The following SRSF6 variants were observed in gnomAD, a reference collection of about 807,000 sequenced individuals.
SRSF6 encodes the protein serine/arginine-rich splicing factor 6.
Under a neutral mutation model 42.0 loss-of-function variants are expected in SRSF6, and 17 were observed. The ratio of observed to expected loss-of-function variants is 0.40; its 90% CI spans 0.28 to 0.61. The LOEUF is 0.61. SRSF6 is among the 20% of genes least tolerant of loss of function. SRSF6 has a pLI of 0.37. For missense variants in SRSF6, 379 were observed against 471.4 expected (o/e 0.80, Z 1.81); for synonymous variants, 204 against 166.7 (o/e 1.22, Z -1.72).
At chr20:43,459,644 G>A in intron 2 of SRSF6, 127 bp from the exon 3 acceptor site, 1 of 1,474,154 alleles carries the variant, frequency 6.8e-7, no homozygotes, top group Non-Finnish European at 9.3e-7. Flanking sequence ...ATGTGTCGAA[G>A]GTTTAGCAAT....
chr20:43,459,764 G>A lies in SRSF6; in HGVS notation c.257-7G>A. ...AGGCATCTAATTGTTCCCTTCATGTGATAAAGGTGGTGGAGGTGGATACAG... is the reference window on the plus strand; with the variant it reads ...AGGCATCTAATTGTTCCCTTCATGTAATAAAGGTGGTGGAGGTGGATACAG... On this transcript the variant is annotated splice_polypyrimidine_tract_variant and splice_region_variant and intron_variant, in intron 2 of 5. Transcript: ENST00000244020. 1 of 1,612,852 alleles carries A rather than the reference G, an allele frequency of 6.2e-7. No homozygotes were observed. Among genetic ancestry groups the A allele is most frequent in the South Asian group, 1.1e-5 (1 of 91,010 alleles).
rs2017626018 is a variant in SRSF6, at chr20:43,462,823, ATT to A, written c.*1761_*1762del. ...CTTATTTTCTTTGATACTTTATTTAATTAGATGTTTATAAAGAAATGGGTTTA... is the reference window on the plus strand; with the variant it reads ...CTTATTTTCTTTGATACTTTATTTAAAGATGTTTATAAAGAAATGGGTTTA... On this transcript the variant is annotated 3_prime_UTR_variant, in exon 6 of 6. Coordinates refer to ENST00000244020, the MANE Select transcript of SRSF6 (RefSeq NM_006275.6). 6.6e-6 allele frequency: 1 copy of A among 152,634 alleles called. No individual in the cohort carries two copies. Among genetic ancestry groups the A allele is most frequent in the Non-Finnish European group, 1.5e-5 (1 of 68,040 alleles). 9.5% of individuals were successfully genotyped at this position (152,634 alleles called of 1,614,324 possible).
In SRSF6 at chr20:43,463,345, T is replaced by G. The variant is rs192562726; in HGVS notation, c.*2282T>G. ...TAAAATGTTTAATTCCCTTGCTAGC[T>G]TGTGAGAAGAATGAGTTGATGACAT... On this transcript the variant is annotated 3_prime_UTR_variant, in exon 6 of 6. Coordinates refer to ENST00000244020, the MANE Select transcript of SRSF6 (RefSeq NM_006275.6). 1 of 154,838 alleles carries G rather than the reference T, an allele frequency of 6.5e-6. No homozygotes were observed. The highest frequency in any genetic ancestry group is 2.4e-5 in the African/African-American group (1 of 41,530). 9.6% of individuals were successfully genotyped at this position (154,838 alleles called of 1,614,324 possible).
rs367794856 is a variant in SRSF6, at chr20:43,460,685, C to A, written c.675-18C>A. 6.2e-7 allele frequency: 1 copy of A among 1,611,866 alleles called. No homozygotes were observed. The highest frequency in any genetic ancestry group is 1.3e-5 in the African/African-American group (1 of 74,840). On this transcript the variant is annotated intron_variant, in intron 5 of 5. Coordinates refer to ENST00000244020, the MANE Select transcript of SRSF6 (RefSeq NM_006275.6). ...CATTCTCACTAAGTATTGAGAAAAT[C>A]GGTCTTTCCTTGTCCAGTTCCAGGT...
intron 2 of SRSF6, 112 bp from the exon 3 acceptor site, chr20:43,459,659 T>C: frequency 6.5e-7 from 1 of 1,527,894 alleles, no homozygotes; most frequent in Middle Eastern, 2.4e-4. Context: ...AGCAATATAA[T>C]AGCAAAGTCC....
Position 43,461,337 on chromosome 20 carries a change from G to GTTTTTTTGTTTT in SRSF6, c.*281_*282insGTTTTTTTTTTT, listed in dbSNP as rs2017589818. The GTTTTTTTGTTTT allele has an allele frequency of 2.3e-5, 1 of 43,768 alleles. No homozygotes were observed. Among genetic ancestry groups the GTTTTTTTGTTTT allele is most frequent in the African/African-American group, 8.2e-5 (1 of 12,192 alleles). The allele number at this position is 43,768 out of a possible 1,614,324, so 2.7% of individuals were successfully genotyped here. A position where few individuals can be genotyped will look rare whatever the true frequency, so the allele number is the denominator to read the frequency against. On this transcript the variant is annotated 3_prime_UTR_variant, in exon 6 of 6. Coordinates refer to ENST00000244020, the MANE Select transcript of SRSF6 (RefSeq NM_006275.6). ...GTAAAGATTAAGCTCATTTAGTGTT[G>GTTTTTTTGTTTT]TTTTTTTTTTTTTTTTTTTTTTTTT... is the stretch of plus-strand genomic sequence containing the variant.
chr20:43,458,876 G>A (rs2017542920), intron 2 of SRSF6, among the ~76,000 whole-genome samples: 1 of 150,730 alleles, frequency 6.6e-6, no homozygotes, highest in Admixed American at 6.6e-5. Flanking sequence ...GTGGAGGTGG[G>A]GTAGGGGGCG....
At chr20:43,459,936 C>T (rs368820985) in intron 3 of SRSF6, 41 bp downstream of exon 3, 8 of 1,600,692 alleles carry the variant, frequency 5.0e-6, no homozygotes, top group South Asian at 3.4e-5. Flanking sequence ...ATGACTAATG[C>T]TTTAAAGTAA....
rs2017609478 is a variant in SRSF6, at chr20:43,462,008, AGT to A, written c.*948_*949del. 1 of 152,212 alleles carries A rather than the reference AGT, an allele frequency of 6.6e-6. No individual in the cohort carries two copies. The highest frequency in any genetic ancestry group is 2.4e-5 in the African/African-American group (1 of 41,458). 9.4% of individuals were successfully genotyped at this position (152,212 alleles called of 1,614,324 possible). A position where few individuals can be genotyped will look rare whatever the true frequency, so the allele number is the denominator to read the frequency against. On this transcript the variant is annotated 3_prime_UTR_variant, in exon 6 of 6. Coordinates refer to ENST00000244020, the MANE Select transcript of SRSF6 (RefSeq NM_006275.6). ...TTGTTCTGAAATTGAGTTTATTCAA[AGT>A]GTAAAAGCACATACTGCATTTTCTG...
intron 4 of SRSF6, 61 bp from the exon 5 acceptor site, chr20:43,460,454 G>C (rs1203701125): frequency 9.8e-6 from 15 of 1,533,692 alleles, no homozygotes; most frequent in Non-Finnish European, 1.3e-5. Context: ...ATTTTTGCCA[G>C]ATGGCACGGA....
intron 1 of SRSF6, 58 bp from the exon 2 acceptor site, chr20:43,458,303 C>T: frequency 1.4e-6 from 2 of 1,436,008 alleles, no homozygotes; most frequent in Non-Finnish European, 1.8e-6. Flanking sequence ...GGCGCGCGCA[C>T]GTGCGCGTCC....
At position 43,461,374 on chromosome 20, in the gene SRSF6, T is replaced by TA. The variant is rs2017595961; in HGVS notation, c.*312dup. 1 of 167,232 alleles carries TA rather than the reference T, an allele frequency of 6.0e-6. No homozygotes were observed. Among genetic ancestry groups the TA allele is most frequent in the African/African-American group, 3.3e-5 (1 of 30,058 alleles). The allele number at this position is 167,232 out of a possible 1,614,324, so 10.4% of individuals were successfully genotyped here. A position where few individuals can be genotyped will look rare whatever the true frequency, so the allele number is the denominator to read the frequency against. On this transcript the variant is annotated 3_prime_UTR_variant, in exon 6 of 6. Coordinates refer to ENST00000244020, the MANE Select transcript of SRSF6 (RefSeq NM_006275.6). ...TTTTTTTTTTTTTTTTTTTTTTTTT[T>TA]AGTATTTCAGCAGGATCTGCTGGCA... is the stretch of plus-strand genomic sequence containing the variant.
At position 43,461,337 on chromosome 20, in the gene SRSF6, G is replaced by GTTGTTTTTTTTTTTTTTT. The variant is rs2017589395; in HGVS notation, c.*276_*277insGTTTTTTTTTTTTTTTTT. The GTTGTTTTTTTTTTTTTTT allele has an allele frequency of 2.3e-5, 1 of 43,768 alleles. No individual in the cohort carries two copies. The highest frequency in any genetic ancestry group is 4.6e-5 in the Non-Finnish European group (1 of 21,828). 2.7% of individuals were successfully genotyped at this position (43,768 alleles called of 1,614,324 possible). A position where few individuals can be genotyped will look rare whatever the true frequency, so the allele number is the denominator to read the frequency against. The stretch of plus-strand genomic sequence containing the variant: ...GTAAAGATTAAGCTCATTTAGTGTT[G>GTTGTTTTTTTTTTTTTTT]TTTTTTTTTTTTTTTTTTTTTTTTT... On this transcript the variant is annotated 3_prime_UTR_variant, in exon 6 of 6. Transcript: ENST00000244020.
chr20:43,463,927 C>CT lies in SRSF6; in HGVS notation c.*2864_*2865insT, dbSNP rs1167972918. ...TATTTACAAATATACATGGTTGGACCATACCTTGGAATCTACTTGCTAATG... is the reference window on the plus strand; with the variant it reads ...TATTTACAAATATACATGGTTGGACCTATACCTTGGAATCTACTTGCTAATG... On this transcript the variant is annotated 3_prime_UTR_variant, in exon 6 of 6. Transcript: ENST00000244020. The CT allele has an allele frequency of 6.6e-6, 1 of 152,170 alleles. No homozygotes were observed. The highest frequency in any genetic ancestry group is 1.5e-5 in the Non-Finnish European group (1 of 68,024). The allele number at this position is 152,170 out of a possible 1,614,324, so 9.4% of individuals were successfully genotyped here.
Position 43,460,531 on chromosome 20 carries a change from C to G in SRSF6, c.607C>G (p.Arg203Gly). The change falls in exon 5 of 6, where the codon CGG becomes GGG. Residue 203 changes from arginine (R) to glycine (G), a missense_variant. Physicochemically the swap from Arg to Gly is moderately radical, Grantham distance 125 (BLOSUM62 -2). Around this residue, in one of 3 missense-constraint regions of SRSF6, gnomAD observed 219 missense variants for 216.1 expected, o/e 1.01. Coordinates refer to ENST00000244020, the MANE Select transcript of SRSF6 (RefSeq NM_006275.6). ...GSRSRSRSRR[R>G]SRSRSRRSSR... The stretch of plus-strand genomic sequence containing the variant: ...TCCTAATAGGTCTCGATCTAGAAGA[C>G]GGTCACGAAGTAGGAGTCGCAGGAG... The G allele has an allele frequency of 3.7e-6, 6 of 1,613,974 alleles. No homozygotes were observed. Among genetic ancestry groups the G allele is most frequent in the Non-Finnish European group, 5.1e-6 (6 of 1,179,934 alleles).
In SRSF6 at chr20:43,462,973, G is replaced by GT. The variant is rs1568903065; in HGVS notation, c.*1914dup. On this transcript the variant is annotated 3_prime_UTR_variant, in exon 6 of 6. Transcript: ENST00000244020. ...AATTGGCTTTGACCAAAGTTCTCTT[G>GT]TTTTCAGGGAAAGAACATAAAAGCT... 1 of 152,590 alleles carries GT rather than the reference G, an allele frequency of 6.6e-6. No homozygotes were observed. The highest frequency in any genetic ancestry group is 2.4e-5 in the African/African-American group (1 of 41,444). 9.5% of individuals were successfully genotyped at this position (152,590 alleles called of 1,614,324 possible).
chr20:43,460,725 C>G lies in SRSF6; in HGVS notation c.697C>G (p.Arg233Gly), dbSNP rs1387104043. The change falls in exon 6 of 6, where the codon CGA becomes GGA. Residue 233 changes from arginine to glycine, a missense_variant. Arg to Gly is a moderately radical substitution (Grantham distance 125). Around this residue, in one of 3 missense-constraint regions of SRSF6, gnomAD observed 219 missense variants for 216.1 expected, o/e 1.01. Transcript: ENST00000244020. ...RSRSRSRSKG[R>G]SRSRSKGRKS... is the part of the protein sequence containing the mutation. Reference sequence around the variant, plus strand: ...CAGTTCCAGGTCGCGGAGCAAAGGTCGATCACGTTCTCGATCAAAAGGCAG... The same window carrying G: ...CAGTTCCAGGTCGCGGAGCAAAGGTGGATCACGTTCTCGATCAAAAGGCAG... 3 of 1,613,278 alleles carry G rather than the reference C, an allele frequency of 1.9e-6. No individual in the cohort carries two copies. The highest frequency in any genetic ancestry group is 1.6e-4 in the Middle Eastern group (1 of 6,082).
At chr20:43,460,619 T>A in intron 5 of SRSF6, 21 bp downstream of exon 5, 1 of 1,614,010 alleles carries the variant, frequency 6.2e-7, no homozygotes, top group Non-Finnish European at 8.5e-7. Context: ...TTGTGTTGAG[T>A]CACTGTGAAT....
rs993424021 is a variant in SRSF6, at chr20:43,463,287, A to G, written c.*2224A>G. 4 of 154,862 alleles carry G rather than the reference A, an allele frequency of 2.6e-5. No homozygotes were observed. Among genetic ancestry groups the G allele is most frequent in the African/African-American group, 4.8e-5 (2 of 41,538 alleles). 9.6% of individuals were successfully genotyped at this position (154,862 alleles called of 1,614,324 possible). ...TGGATGCACAAAATCACTGTGTAAC[A>G]TTGGCTCACTTGGTGAGCATAGGGT... is the stretch of plus-strand genomic sequence containing the variant. On this transcript the variant is annotated 3_prime_UTR_variant, in exon 6 of 6. Coordinates refer to ENST00000244020, the MANE Select transcript of SRSF6 (RefSeq NM_006275.6).
Sources: allele counts gnomAD v4.1 joint callset (sites outside exome capture counted in the v4.1 genomes callset), GRCh38; gene constraint gnomAD v4.1.1; regional missense constraint gnomAD v4.1.1; transcripts MANE v1.5; gene names NCBI Gene and HGNC (gene_info 2026-07-23, HGNC 2026-07-21).